Variants in STAG3 observed in about 807,000 individuals in gnomAD.
STAG3 encodes the protein cohesin subunit SA-3.
STAG3 carries 101 observed loss-of-function variants against 160.7 expected under a neutral mutation model. That is an observed-to-expected ratio of 0.63 (90% CI 0.54 to 0.74). STAG3 has a LOEUF of 0.74. Among genes scored for constraint, STAG3 ranks in the 30% least tolerant of loss-of-function variants. The pLI, the probability that STAG3 is intolerant of heterozygous loss-of-function variation, is 0.00. For synonymous variants in STAG3, 519 were observed against 585.0 expected, an observed-to-expected ratio of 0.89 and a Z score of 1.63; for missense variants, 1,188 against 1,517.4, an observed-to-expected ratio of 0.78 and a Z score of 3.61.
In STAG3 at chr7:100,195,290, G is replaced by A. The variant is rs377446408; in HGVS notation, c.868-19G>A. On this transcript the variant is annotated intron_variant, in intron 8 of 33. Coordinates refer to ENST00000615138, the MANE Select transcript of STAG3 (RefSeq NM_001282717.2). ...GTTAGGGTACAAGAAAGATTAACCC[G>A]TTTCTCCCTGTCCTCCAGCTCCAAG... is the stretch of plus-strand genomic sequence containing the variant. 53 of 1,612,608 alleles carry A rather than the reference G, an allele frequency of 3.3e-5. No individual in the cohort carries two copies. Among genetic ancestry groups the A allele is most frequent in the African/African-American group, 1.9e-4 (14 of 74,888 alleles).
At chr7:100,197,494 G>A in intron 10 of STAG3, 3 of 735,502 alleles carry the variant, frequency 4.1e-6, no homozygotes, top group Non-Finnish European at 7.1e-6. Flanking sequence ...AAAACCTGAG[G>A]TACGGGGAGA....
downstream of STAG3, among the ~76,000 whole-genome samples, chr7:100,217,694 T>C (rs369298849): frequency 5.3e-5 from 8 of 152,250 alleles, no homozygotes; most frequent in East Asian, 1.5e-3. Flanking sequence ...TAAGGTCACA[T>C]GAGTCACGTG....
chr7:100,198,852 C>T lies in STAG3; in HGVS notation c.1362C>T (p.Tyr454=), dbSNP rs2117274617. The change falls in exon 14 of 34, where the codon TAC becomes TAT. Residue 454 remains tyrosine (Y), a synonymous_variant. Coordinates refer to ENST00000615138, the MANE Select transcript of STAG3 (RefSeq NM_001282717.2). ...GTGTCCATTCCACCAGACTCTTCTA[C>T]CCTGAGTGCGAGATAAGAATGATGG... ...AGEFLYWKLF[Y]PECEIRMMGG... is the part of the protein sequence containing the mutation. 2 of 1,612,206 alleles carry T rather than the reference C, an allele frequency of 1.2e-6. No homozygotes were observed. Among genetic ancestry groups the T allele is most frequent in the Admixed American group, 1.7e-5 (1 of 60,028 alleles).
In STAG3 at chr7:100,207,568, G is replaced by A. The variant is rs1360586938; in HGVS notation, c.3238+2184G>A. ...CCTTTAGCTATTTTAAAATAGGGTT[G>A]TCTTTTTATTGTTGAGTTGTAAGTA... On this transcript the variant is annotated intron_variant, in intron 29 of 33. Coordinates refer to ENST00000615138, the MANE Select transcript of STAG3 (RefSeq NM_001282717.2). This position sits in a 1 kb window ranked among gnomAD's most constrained non-coding sequence, Gnocchi z 4.0. Among the ~76,000 whole-genome samples the A allele has an allele frequency of 6.6e-6, 1 of 152,118 alleles. No individual in the cohort carries two copies. The highest frequency in any genetic ancestry group is 1.5e-5 in the Non-Finnish European group (1 of 68,014).
chr7:100,180,879 TG>T, intron 2 of STAG3: 3 of 378,252 alleles, frequency 7.9e-6, no homozygotes, highest in Admixed American at 4.5e-5. Context: ...TAGTACATCC[TG>T]TTTTTTTTTT....
At chr7:100,201,016 G>GGGGCT (rs1246639051) in intron 19 of STAG3, 47 bp downstream of exon 19, 1 of 1,614,024 alleles carries the variant, frequency 6.2e-7, no homozygotes, top group Non-Finnish European at 8.5e-7. Flanking sequence ...AAGGGTGGGA[G>GGGGCT]GGGCTGCAAG....
chr7:100,209,336 T>C (rs1466132889), intron 29 of STAG3, among the ~76,000 whole-genome samples: 1 of 152,092 alleles, frequency 6.6e-6, no homozygotes, highest in Non-Finnish European at 1.5e-5. Context: ...CAGAATAGCA[T>C]ACCAAAGGAA....
At chr7:100,182,021 T>C in intron 2 of STAG3, 69 bp from the exon 3 acceptor site, 1 of 1,164,530 alleles carries the variant, frequency 8.6e-7, no homozygotes, top group Non-Finnish European at 1.3e-6. Context: ...AGAGAAACCA[T>C]AATTAATTAG....
At position 100,199,650 on chromosome 7, in the gene STAG3, G is replaced by T. The variant is rs941623435; in HGVS notation, c.1677+6G>T. The T allele has an allele frequency of 6.3e-7, 1 of 1,579,574 alleles. No individual in the cohort carries two copies. Among genetic ancestry groups the T allele is most frequent in the Non-Finnish European group, 8.6e-7 (1 of 1,162,624 alleles). On this transcript the variant is annotated splice_donor_region_variant and intron_variant, in intron 16 of 33. Transcript: ENST00000615138. ...GCCGGGTCACTGGGAGGAAGGTATGGTGTGAGGGTAGAGTGGGTAGGTCAG... is the reference window on the plus strand; with the variant it reads ...GCCGGGTCACTGGGAGGAAGGTATGTTGTGAGGGTAGAGTGGGTAGGTCAG...
chr7:100,198,620 C>T, intron 13 of STAG3, 38 bp downstream of exon 13: 2 of 1,566,552 alleles, frequency 1.3e-6, no homozygotes, highest in Non-Finnish European at 1.8e-6. Flanking sequence ...TAACACCACG[C>T]TCTCGGTTTC....
intron 32 of STAG3, chr7:100,213,317 C>A: frequency 2.0e-6 from 2 of 985,396 alleles, no homozygotes; most frequent in Non-Finnish European, 2.4e-6. Context: ...CCATTACAGG[C>A]TGCGTATCTT....
chr7:100,193,939 CTTTTTTTTTT>C (rs57044186), intron 8 of STAG3, among the ~76,000 whole-genome samples: 1 of 121,976 alleles, frequency 8.2e-6, no homozygotes, highest in African/African-American at 3.0e-5. Flanking sequence ...TTAATCATTT[CTTTTTTTTTT>C]TTTTTTTTTT....
intron 5 of STAG3, 86 bp downstream of exon 5, chr7:100,186,382 G>C: frequency 1.6e-6 from 2 of 1,279,002 alleles, no homozygotes; most frequent in Non-Finnish European, 2.3e-6. Flanking sequence ...AGTAGGATTA[G>C]ACATTTCCTA....
chr7:100,185,550 C>T lies in STAG3; in HGVS notation c.337-650C>T, dbSNP rs189128899. Among the ~76,000 whole-genome samples, 394 of 146,018 alleles carry T rather than the reference C, an allele frequency of 2.7e-3. 3 individuals are homozygous for T. The highest frequency in any genetic ancestry group is 9.6e-3 in the African/African-American group (376 of 39,282). On this transcript the variant is annotated intron_variant, in intron 4 of 33. Transcript: ENST00000615138. Reference sequence around the variant, plus strand: ...GTGGGAGGTGGAGGTTGTAGTGAGCCGAGATCACACCATTGCACTCCAGCT... The same window carrying T: ...GTGGGAGGTGGAGGTTGTAGTGAGCTGAGATCACACCATTGCACTCCAGCT...
downstream of STAG3, among the ~76,000 whole-genome samples, chr7:100,215,855 G>GC (rs1201648384): frequency 6.6e-6 from 1 of 152,192 alleles, no homozygotes; most frequent in Non-Finnish European, 1.5e-5. Context: ...ATGATGCCAT[G>GC]CTAGTTAGTG....
rs1291321554 is a variant in STAG3, at chr7:100,198,567, A to T, written c.1337A>T (p.Glu446Val). 1 of 1,613,754 alleles carries T rather than the reference A, an allele frequency of 6.2e-7. No individual in the cohort carries two copies. The highest frequency in any genetic ancestry group is 2.2e-5 in the East Asian group (1 of 44,884). The stretch of plus-strand genomic sequence containing the variant: ...CGAGGCCTGGCCTCTGCCGCAGGCG[A>T]ATTTCTGTACTGGAAGTGAGTGGGG... ...SHRGLASAAG[E>V]FLYWKLFYPE... Residue 446 changes from glutamate to valine, a missense_variant, in exon 13 of 34, where the codon GAA (glutamate) becomes GTA (valine). Around this residue, in one of 4 missense-constraint regions of STAG3, gnomAD observed 240 missense variants for 358.1 expected, o/e 0.67. Coordinates refer to ENST00000615138, the MANE Select transcript of STAG3 (RefSeq NM_001282717.2).
intron 12 of STAG3, 22 bp from the exon 13 acceptor site, chr7:100,198,453 C>A: frequency 6.2e-7 from 1 of 1,613,020 alleles, no homozygotes; most frequent in Non-Finnish European, 8.5e-7. Context: ...TTCACATACT[C>A]TTTCTGCTTT....
chr7:100,184,435 A>C (rs11771258), intron 4 of STAG3, among the ~76,000 whole-genome samples: 3 of 140,144 alleles, frequency 2.1e-5, no homozygotes, highest in Admixed American at 7.4e-5. Flanking sequence ...TGTCTTTTCC[A>C]CCTTATATGC....
intron 3 of STAG3, 38 bp downstream of exon 3, chr7:100,182,230 G>C (rs369173165): frequency 4.7e-6 from 7 of 1,487,774 alleles, no homozygotes; most frequent in African/African-American, 2.8e-5. Flanking sequence ...TGAATCTTGT[G>C]GGGGAAGCAG....
Sources: allele counts gnomAD v4.1 joint callset (sites outside exome capture counted in the v4.1 genomes callset), GRCh38; gene constraint gnomAD v4.1.1; regional missense constraint gnomAD v4.1.1; non-coding constraint Gnocchi (gnomAD v3.1); transcripts MANE v1.5; gene names NCBI Gene and HGNC (gene_info 2026-07-23, HGNC 2026-07-21).